The following SLC14A2 variants were observed in gnomAD, a reference collection of about 807,000 sequenced individuals.
SLC14A2 encodes the protein solute carrier family 14 member 2.
A neutral mutation model predicts 104.6 loss-of-function variants in SLC14A2; 91 were observed. That is an observed-to-expected ratio of 0.87 (90% CI 0.73 to 1.04). The LOEUF is 1.04. Among genes scored for constraint, SLC14A2 ranks in the 50% least tolerant of loss-of-function variants. SLC14A2 has a pLI of 0.00. For missense variants in SLC14A2, 1,189 were observed against 1,156.0 expected (o/e 1.03, Z -0.41); for synonymous variants, 476 against 466.4 (o/e 1.02, Z -0.27).
At chr18:45,319,076 G>A (rs2085159674) in intron 1 of SLC14A2, among the ~76,000 whole-genome samples, 2 of 152,268 alleles carry the variant, frequency 1.3e-5, no homozygotes, top group South Asian at 2.1e-4. Context: ...TGGCTTCCAC[G>A]TGAAGACTTC....
intron 10 of SLC14A2, among the ~76,000 whole-genome samples, chr18:45,645,173 A>C (rs1402967821): frequency 6.6e-6 from 1 of 152,174 alleles, no homozygotes; most frequent in Non-Finnish European, 1.5e-5. Flanking sequence ...AGCTTCATCC[A>C]TGTCCCTGCA....
intron 1 of SLC14A2, among the ~76,000 whole-genome samples, chr18:45,472,295 G>A (rs1298418362): frequency 6.6e-6 from 1 of 152,124 alleles, no homozygotes; most frequent in African/African-American, 2.4e-5. Context: ...ATTTGGGTGG[G>A]TTCCAAGTCT....
chr18:45,532,431 G>A (rs1297979552), intron 2 of SLC14A2, among the ~76,000 whole-genome samples: 1 of 150,716 alleles, frequency 6.6e-6, no homozygotes, highest in African/African-American at 2.5e-5. Flanking sequence ...CTTGTAAGTT[G>A]GATTCCTAGG....
chr18:45,309,318 T>C (rs954914949), intron 1 of SLC14A2, among the ~76,000 whole-genome samples: 3 of 151,848 alleles, frequency 2.0e-5, no homozygotes, highest in South Asian at 2.1e-4. Context: ...TGGGTAACTA[T>C]AATTCTCAGA....
rs1250638764 is a variant in SLC14A2 at position 45,573,197 on chromosome 18, A to ATGAT, written c.-34-51429_-34-51426dup. On this transcript the variant is annotated intron_variant, in intron 2 of 20. Transcript: ENST00000586448. ...AGAATCACCTAGAAGGCTTGTTGAA[A>ATGAT]TGATTGATAGGTCTGGACTGGGTCC... Among the ~76,000 whole-genome samples, 9 of 152,338 alleles carry ATGAT rather than the reference A, an allele frequency of 5.9e-5. No individual in the cohort carries two copies. In the South Asian group the frequency reaches 1.9e-3, roughly 32 times the overall value.
At chr18:45,325,182 A>C (rs2085222674) in intron 1 of SLC14A2, among the ~76,000 whole-genome samples, 1 of 152,254 alleles carries the variant, frequency 6.6e-6, no homozygotes, top group South Asian at 2.1e-4. Context: ...GTTTCCAGGC[A>C]AAGACTTCCC....
At chr18:45,434,759 G>A (rs2086569890) in intron 1 of SLC14A2, among the ~76,000 whole-genome samples, 1 of 152,194 alleles carries the variant, frequency 6.6e-6, no homozygotes, top group African/African-American at 2.4e-5. Flanking sequence ...TCTAAAGAAT[G>A]GGCAAGATAA....
chr18:45,463,506 C>T (rs868373697), intron 1 of SLC14A2, among the ~76,000 whole-genome samples: 4 of 152,232 alleles, frequency 2.6e-5, no homozygotes, highest in Admixed American at 2.6e-4. Context: ...GTAAAGGCCA[C>T]ATTGCGAAAA....
intron 1 of SLC14A2, among the ~76,000 whole-genome samples, chr18:45,415,882 C>T (rs1183324228): frequency 6.6e-6 from 1 of 152,148 alleles, no homozygotes; most frequent in Non-Finnish European, 1.5e-5. Flanking sequence ...TTCTGGGAAG[C>T]AGCGACTGAA....
chr18:45,237,094 C>T (rs191729483), intron 1 of SLC14A2, among the ~76,000 whole-genome samples: 1 of 152,128 alleles, frequency 6.6e-6, no homozygotes, highest in South Asian at 2.1e-4. Context: ...GACACCAGCT[C>T]AGCCATAGAA....
intron 2 of SLC14A2, among the ~76,000 whole-genome samples, chr18:45,502,155 G>T (rs1045432516): frequency 6.6e-6 from 1 of 152,144 alleles, no homozygotes; most frequent in African/African-American, 2.4e-5. Flanking sequence ...TGTGAAACAG[G>T]CAGATTCCCA....
intron 1 of SLC14A2, among the ~76,000 whole-genome samples, chr18:45,288,582 G>A (rs2084838504): frequency 6.6e-6 from 1 of 152,176 alleles, no homozygotes; most frequent in South Asian, 2.1e-4. Context: ...TGTGGTCTAA[G>A]TTGCCAGACA....
At chr18:45,588,983 G>T (rs1246962446) in intron 2 of SLC14A2, among the ~76,000 whole-genome samples, 2 of 141,424 alleles carry the variant, frequency 1.4e-5, no homozygotes, top group African/African-American at 2.6e-5. Context: ...GTGGGGGGGG[G>T]TGTTAAATGT....
At chr18:45,455,275 G>C (rs555710821) in intron 1 of SLC14A2, among the ~76,000 whole-genome samples, 1 of 152,250 alleles carries the variant, frequency 6.6e-6, no homozygotes, top group African/African-American at 2.4e-5. Context: ...ACTGGAGAAA[G>C]AAAATGTGGC....
intron 1 of SLC14A2, among the ~76,000 whole-genome samples, chr18:45,410,889 A>G (rs955819619): frequency 4.6e-5 from 7 of 152,236 alleles, no homozygotes; most frequent in Non-Finnish European, 8.8e-5. Context: ...ATAGCATTAG[A>G]TAACACAAGC....
intron 2 of SLC14A2, among the ~76,000 whole-genome samples, chr18:45,587,077 C>T (rs190658107): frequency 3.9e-5 from 6 of 152,180 alleles, no homozygotes; most frequent in African/African-American, 1.4e-4. Flanking sequence ...CAGGTTCAAG[C>T]GATTTTCCTG....
At chr18:45,286,648 C>G (rs2084817244) in intron 1 of SLC14A2, among the ~76,000 whole-genome samples, 1 of 152,112 alleles carries the variant, frequency 6.6e-6, no homozygotes, top group Non-Finnish European at 1.5e-5. Context: ...TCCCAAATTC[C>G]TCTTTTATAA....
chr18:45,219,173 T>A (rs2084038759), intron 1 of SLC14A2, among the ~76,000 whole-genome samples: 1 of 152,186 alleles, frequency 6.6e-6, no homozygotes, highest in African/African-American at 2.4e-5. Context: ...AGATTCATAG[T>A]CAGATAATTC....
intron 1 of SLC14A2, among the ~76,000 whole-genome samples, chr18:45,476,084 T>C (rs1324499987): frequency 6.6e-6 from 1 of 152,188 alleles, no homozygotes. Flanking sequence ...TTGATGGTCT[T>C]TACAATTTGG....
Sources: gnomAD v4.1 joint callset for allele counts (sites outside exome capture counted in the v4.1 genomes callset) on GRCh38, gnomAD v4.1.1 for gene constraint, MANE v1.5 for transcripts, NCBI Gene and HGNC (gene_info 2026-07-23, HGNC 2026-07-21) for gene names.